The following PXDN variants were observed in gnomAD, a reference collection of about 807,000 sequenced individuals.
PXDN encodes the protein peroxidasin homolog.
Under a neutral mutation model 140.3 loss-of-function variants are expected in PXDN, and 77 were observed. That is an observed-to-expected ratio of 0.55 (90% CI 0.46 to 0.66). The LOEUF is 0.66. Among genes scored for constraint, PXDN ranks in the 30% least tolerant of loss-of-function variants. The pLI is 0.00. For synonymous variants in PXDN, 911 were observed against 857.4 expected (o/e 1.06, Z -1.09); for missense variants, 1,838 against 2,039.5 (o/e 0.90, Z 1.90).
chr2:1,744,328 A>G lies in PXDN; in HGVS notation c.128T>C (p.Phe43Ser). ...GAGCPSRCLC[F>S]RTTVRCMHLL... ...ATGCATGCAGCGCACGGTGGTGCGG[A>G]AGCACAGGCAGCGGCTCGGACACCC... Residue 43 changes from phenylalanine (F) to serine (S), a missense_variant, in exon 1 of 23, where the codon TTC becomes TCC. By Grantham distance (155) the Phe-to-Ser change is radical. Transcript: ENST00000252804. 6.5e-7 allele frequency: 1 copy of G among 1,528,582 alleles called. No individual in the cohort carries two copies. Among genetic ancestry groups the G allele is most frequent in the East Asian group, 2.5e-5 (1 of 40,170 alleles). The allele number at this position is 1,528,582 out of a possible 1,614,324, so 94.7% of individuals were successfully genotyped here. A position where few individuals can be genotyped will look rare whatever the true frequency, so the allele number is the denominator to read the frequency against.
Position 1,644,674 on chromosome 2 carries a change from G to A in PXDN, c.3687C>T (p.Gly1229=). Reference sequence around the variant, plus strand: ...TGCTGAGAAGACACATCAGGGTGGGGCCCAGCCGGCTGCCAGGCACCAGGT... The same window carrying A: ...TGCTGAGAAGACACATCAGGGTGGGACCCAGCCGGCTGCCAGGCACCAGGT... The part of the protein sequence containing the change: ...VEDLVPGSRL[G]PTLMCLLSTQ... Residue 1229 remains glycine (G), a synonymous_variant, in exon 18 of 23, where the codon GGC becomes GGT. Transcript: ENST00000252804. 6.2e-7 allele frequency: 1 copy of A among 1,605,990 alleles called. No individual in the cohort carries two copies. The highest frequency in any genetic ancestry group is 8.5e-7 in the Non-Finnish European group (1 of 1,174,730).
At position 1,716,369 on chromosome 2, in the gene PXDN, T is replaced by C. The variant is rs1003350345; in HGVS notation, c.201-23235A>G. On this transcript the variant is annotated intron_variant, in intron 1 of 22. Coordinates refer to ENST00000252804, the MANE Select transcript of PXDN (RefSeq NM_012293.3). ...AGAAGAATCACTTGAACCCGGGAGGTGGAGGTTGCGGTGAGCCGAGACCAT... is the reference window on the plus strand; with the variant it reads ...AGAAGAATCACTTGAACCCGGGAGGCGGAGGTTGCGGTGAGCCGAGACCAT... Among the ~76,000 whole-genome samples the C allele has an allele frequency of 4.1e-4, 51 of 123,228 alleles. 1 individual carries two copies. The highest frequency in any genetic ancestry group is 3.2e-5 in the Non-Finnish European group (2 of 62,782). 80.8% of individuals were successfully genotyped at this position (123,228 alleles called of 152,430 possible). A position where few individuals can be genotyped will look rare whatever the true frequency, so the allele number is the denominator to read the frequency against.
chr2:1,698,918 C>G (rs1684357510), intron 1 of PXDN, among the ~76,000 whole-genome samples: 1 of 152,098 alleles, frequency 6.6e-6, no homozygotes, highest in Non-Finnish European at 1.5e-5. Flanking sequence ...ATTTAAAAAG[C>G]AAGTGAACTT....
At chr2:1,689,973 C>G (rs1309710771) in intron 3 of PXDN, among the ~76,000 whole-genome samples, 3 of 152,152 alleles carry the variant, frequency 2.0e-5, no homozygotes, top group Non-Finnish European at 4.4e-5. Flanking sequence ...ACTACTCAAC[C>G]TCTACAAGTA....
intron 9 of PXDN, chr2:1,672,332 C>T: frequency 6.6e-6 from 1 of 152,260 alleles, no homozygotes; most frequent in East Asian, 1.9e-4. Context: ...ATCAATCAAC[C>T]TATGAACATA....
At chr2:1,711,937 C>T (rs1684796592) in intron 1 of PXDN, among the ~76,000 whole-genome samples, 1 of 152,226 alleles carries the variant, frequency 6.6e-6, no homozygotes, top group African/African-American at 2.4e-5. Context: ...CTCTGCTTCA[C>T]TCAACCAGCG....
chr2:1,642,075 G>T (rs1682739984), intron 19 of PXDN, among the ~76,000 whole-genome samples: 1 of 152,090 alleles, frequency 6.6e-6, no homozygotes, highest in Non-Finnish European at 1.5e-5. Context: ...TAAATAATTT[G>T]GAAAATTGGG....
At chr2:1,709,537 C>T (rs1684704564) in intron 1 of PXDN, among the ~76,000 whole-genome samples, 2 of 152,164 alleles carry the variant, frequency 1.3e-5, no homozygotes, top group South Asian at 4.1e-4. Context: ...TGGAGCTTCC[C>T]TTTCTTTATC....
intron 14 of PXDN, among the ~76,000 whole-genome samples, chr2:1,658,519 C>T (rs1249808286): frequency 1.3e-5 from 2 of 152,016 alleles, no homozygotes; most frequent in African/African-American, 4.8e-5. Context: ...GCTGTGGGCC[C>T]GGGTGCAGGC....
chr2:1,685,958 G>C lies in PXDN; in HGVS notation c.416+1674C>G, dbSNP rs1485302317. 6.6e-6 allele frequency among the ~76,000 whole-genome samples: 1 copy of C among 152,160 alleles called. No homozygotes were observed. Among genetic ancestry groups the C allele is most frequent in the Non-Finnish European group, 1.5e-5 (1 of 68,030 alleles). On this transcript the variant is annotated intron_variant, in intron 4 of 22. Transcript: ENST00000252804. This position sits in a 1 kb window ranked among gnomAD's most constrained non-coding sequence, Gnocchi z 5.1. ...TGACCTGTGTCCACAGCTTCCCAAA[G>C]AGCCTTCTTTCTGGATCAGGGACAC... is the stretch of plus-strand genomic sequence containing the variant.
At chr2:1,646,351 T>C (rs1682850448) in intron 17 of PXDN, among the ~76,000 whole-genome samples, 3 of 152,198 alleles carry the variant, frequency 2.0e-5, no homozygotes, top group African/African-American at 7.2e-5. Context: ...TTTGAAATGT[T>C]TTGAAATAAG....
chr2:1,680,021 G>A (rs979182547), intron 7 of PXDN, among the ~76,000 whole-genome samples, 172 bp downstream of exon 7: 76 of 150,986 alleles, frequency 5.0e-4, no homozygotes, highest in African/African-American at 1.7e-3. Flanking sequence ...GATGGTGTAT[G>A]CGTGTATGTG....
chr2:1,708,580 G>A (rs1684676406), intron 1 of PXDN, among the ~76,000 whole-genome samples: 1 of 152,172 alleles, frequency 6.6e-6, no homozygotes, highest in Non-Finnish European at 1.5e-5. Context: ...GATGGCAGAG[G>A]AAGGGGAGAG....
At position 1,635,185 on chromosome 2, in the gene PXDN, G is replaced by C. The variant is rs569365830; in HGVS notation, c.4320+223C>G. On this transcript the variant is annotated intron_variant, in intron 22 of 22. Coordinates refer to ENST00000252804, the MANE Select transcript of PXDN (RefSeq NM_012293.3). ...GAGTAGGGGCTGCCCGCCCTCTGTG[G>C]GGTTGGACCATGCTGAGGTTCTGGG... Among the ~76,000 whole-genome samples the C allele has an allele frequency of 8.5e-3, 1,193 of 141,074 alleles. 15 individuals carry two copies. Among genetic ancestry groups the C allele is most frequent in the African/African-American group, 0.029 (1,146 of 38,998 alleles). 92.6% of individuals were successfully genotyped at this position (141,074 alleles called of 152,430 possible). A position where few individuals can be genotyped will look rare whatever the true frequency, so the allele number is the denominator to read the frequency against.
At chr2:1,696,197 T>A (rs1248153170) in intron 1 of PXDN, among the ~76,000 whole-genome samples, 4 of 152,282 alleles carry the variant, frequency 2.6e-5, no homozygotes, top group Non-Finnish European at 5.9e-5. Flanking sequence ...AAAACATTTT[T>A]AAAATTAACT....
At chr2:1,653,363 C>T (rs905333415) in intron 16 of PXDN, 5 of 485,058 alleles carry the variant, frequency 1.0e-5, no homozygotes, top group South Asian at 2.0e-5. Context: ...GATGGCATAA[C>T]CCACTCAGGG....
intron 6 of PXDN, among the ~76,000 whole-genome samples, chr2:1,682,076 T>A (rs2125442772): frequency 6.6e-6 from 1 of 152,160 alleles, no homozygotes; most frequent in South Asian, 2.1e-4. Context: ...CAATCTGGGG[T>A]TGTAGTGTTT....
chr2:1,640,827 C>T (rs952596454), intron 19 of PXDN, among the ~76,000 whole-genome samples: 5 of 152,214 alleles, frequency 3.3e-5, no homozygotes, highest in South Asian at 2.1e-4. Flanking sequence ...AATTACAGGG[C>T]GACAGGGAAG....
At chr2:1,662,050 G>C in intron 13 of PXDN, 22 bp downstream of exon 13, 2 of 1,558,210 alleles carry the variant, frequency 1.3e-6, no homozygotes, top group South Asian at 2.4e-5. Flanking sequence ...GTGGTGGCTG[G>C]CTCGGGCACC....
Sources: allele counts gnomAD v4.1 joint callset (sites outside exome capture counted in the v4.1 genomes callset), GRCh38; gene constraint gnomAD v4.1.1; non-coding constraint Gnocchi (gnomAD v3.1); transcripts MANE v1.5; gene names NCBI Gene and HGNC (gene_info 2026-07-23, HGNC 2026-07-21).